The following LAMA2 variants were observed in gnomAD, a reference collection of about 807,000 sequenced individuals.
The protein encoded by LAMA2 is laminin subunit alpha 2.
A neutral mutation model predicts 364.8 loss-of-function variants in LAMA2; 269 were observed. The ratio of observed to expected loss-of-function variants is 0.74; its 90% CI spans 0.67 to 0.82. The LOEUF (loss-of-function observed/expected upper bound fraction) is 0.82. LAMA2 is among the 40% of genes least tolerant of loss of function. The pLI is 0.00. For missense variants in LAMA2, 3,807 were observed against 3,873.2 expected (o/e 0.98, Z 0.45); for synonymous variants, 1,379 against 1,370.6 (o/e 1.01, Z -0.14).
chr6:129,155,333 A>G (rs1779045878), intron 8 of LAMA2, among the ~76,000 whole-genome samples: 1 of 152,178 alleles, frequency 6.6e-6, no homozygotes, highest in Admixed American at 6.5e-5. Flanking sequence ...ATTAGTAATA[A>G]TGTATAAAAT....
chr6:129,047,429 G>A (rs988487954), intron 1 of LAMA2, among the ~76,000 whole-genome samples: 2 of 152,294 alleles, frequency 1.3e-5, no homozygotes, highest in African/African-American at 2.4e-5. Context: ...AAGTGAAAAA[G>A]TAAGTACCAT....
intron 1 of LAMA2, among the ~76,000 whole-genome samples, chr6:128,956,705 G>C (rs1781169887): frequency 6.6e-6 from 1 of 151,932 alleles, no homozygotes; most frequent in Non-Finnish European, 1.5e-5. Flanking sequence ...AGACACTGCA[G>C]TCTGTTTTAA....
At chr6:128,974,976 G>A (rs537435416) in intron 1 of LAMA2, among the ~76,000 whole-genome samples, 105 of 151,192 alleles carry the variant, frequency 6.9e-4, no homozygotes, top group Non-Finnish European at 1.1e-3. Context: ...CTCGGCCTCC[G>A]GAGTAGCTGG....
intron 12 of LAMA2, among the ~76,000 whole-genome samples, chr6:129,226,194 T>A (rs1249184787): frequency 1.3e-5 from 2 of 152,204 alleles, no homozygotes; most frequent in African/African-American, 4.8e-5. Flanking sequence ...TTGGTAGATC[T>A]TCCTCCATCC....
At chr6:129,377,271 G>GA (rs1328865274) in intron 34 of LAMA2, among the ~76,000 whole-genome samples, 1 of 151,974 alleles carries the variant, frequency 6.6e-6, no homozygotes, top group Non-Finnish European at 1.5e-5. Context: ...CCAAAAGGAT[G>GA]AAACTAGTTT....
chr6:129,328,724 A>G (rs1047852862), intron 29 of LAMA2, among the ~76,000 whole-genome samples: 3 of 152,198 alleles, frequency 2.0e-5, no homozygotes, highest in African/African-American at 7.2e-5. Flanking sequence ...AACTTTCTAT[A>G]AAATTTGGAA....
intron 1 of LAMA2, among the ~76,000 whole-genome samples, chr6:129,036,136 T>G (rs1582912448): frequency 1.3e-5 from 2 of 152,212 alleles, no homozygotes; most frequent in African/African-American, 4.8e-5. Flanking sequence ...TTTTTCCATT[T>G]GTCCATGTCA....
At chr6:128,926,195 A>C (rs1266266340) in intron 1 of LAMA2, among the ~76,000 whole-genome samples, 1 of 151,976 alleles carries the variant, frequency 6.6e-6, no homozygotes, top group Non-Finnish European at 1.5e-5. Context: ...TGGCTTTCAA[A>C]GGTGAAATTG....
rs768155936 is a variant in LAMA2 at position 129,505,228 on chromosome 6, G to A, written c.8576G>A (p.Gly2859Glu). 1.2e-6 allele frequency: 2 copies of A among 1,613,862 alleles called. No homozygotes were observed. The highest frequency in any genetic ancestry group is 8.5e-7 in the Non-Finnish European group (1 of 1,179,840). Reference sequence around the variant, plus strand: ...AAGATAATGAGAAGTAAGCAAGAAGGAATTCTTTATGTAGATGGGGCTTCC... The same window carrying A: ...AAGATAATGAGAAGTAAGCAAGAAGAAATTCTTTATGTAGATGGGGCTTCC... ...KIKIMRSKQE[G>E]ILYVDGASNR... is the part of the protein sequence containing the mutation. The change falls in exon 61 of 65, where the codon GGA (glycine) becomes GAA (glutamate). Residue 2859 changes from glycine to glutamate, a missense_variant. Physicochemically the swap from Gly to Glu is moderately conservative, Grantham distance 98. Transcript: ENST00000421865.
At chr6:128,947,890 C>T (rs368239834) in intron 1 of LAMA2, among the ~76,000 whole-genome samples, 19 of 151,768 alleles carry the variant, frequency 1.3e-4, no homozygotes, top group South Asian at 1.0e-3. Context: ...GGAAGGGAGA[C>T]GATAAATAGC....
chr6:129,322,001 TG>T (rs1774995840), intron 28 of LAMA2, among the ~76,000 whole-genome samples: 1 of 152,334 alleles, frequency 6.6e-6, no homozygotes, highest in South Asian at 2.1e-4. Context: ...TTGATTTAAA[TG>T]GAAACGTATG....
At chr6:129,496,707 A>G (rs1170113580) in intron 58 of LAMA2, among the ~76,000 whole-genome samples, 1 of 152,172 alleles carries the variant, frequency 6.6e-6, no homozygotes, top group Non-Finnish European at 1.5e-5. Flanking sequence ...TTTGTAACAA[A>G]TATTTATTAA....
At chr6:129,013,012 G>T (rs1784856233) in intron 1 of LAMA2, among the ~76,000 whole-genome samples, 1 of 152,228 alleles carries the variant, frequency 6.6e-6, no homozygotes, top group African/African-American at 2.4e-5. Flanking sequence ...ATCAGGCTAT[G>T]TTATGAAACT....
chr6:129,187,375 T>A (rs1048204497), intron 10 of LAMA2, among the ~76,000 whole-genome samples: 1 of 151,776 alleles, frequency 6.6e-6, no homozygotes, highest in African/African-American at 2.4e-5. Flanking sequence ...GTGTTTGAAC[T>A]GTGCTACTCT....
intron 40 of LAMA2, among the ~76,000 whole-genome samples, chr6:129,414,447 T>C (rs1316414266): frequency 1.3e-5 from 2 of 152,160 alleles, no homozygotes; most frequent in African/African-American, 4.8e-5. Flanking sequence ...CAAATGTACA[T>C]ATTTTAAAGA....
chr6:129,426,493 C>T (rs933084183), intron 40 of LAMA2, among the ~76,000 whole-genome samples: 2 of 151,148 alleles, frequency 1.3e-5, no homozygotes, highest in African/African-American at 4.9e-5. Flanking sequence ...ATGAATGACA[C>T]TTATGTGATG....
chr6:129,505,305 C>T lies in LAMA2; in HGVS notation c.8653C>T (p.Leu2885=). ...CGACATCCTGGATGTCGTGGGAATG[C>T]TGTATGTTGGTGGGTTACCCATCAA... The part of the protein sequence containing the change: ...KADILDVVGM[L]YVGGLPINYT... The change falls in exon 61 of 65, where the codon CTG becomes TTG. Residue 2885 remains leucine, a synonymous_variant. Transcript: ENST00000421865. 2 of 1,613,850 alleles carry T rather than the reference C, an allele frequency of 1.2e-6. No homozygotes were observed. Among genetic ancestry groups the T allele is most frequent in the Non-Finnish European group, 1.7e-6 (2 of 1,179,752 alleles).
intron 37 of LAMA2, 54 bp from the exon 38 acceptor site, chr6:129,401,170 G>A (rs1014138416): frequency 2.8e-6 from 3 of 1,075,010 alleles, no homozygotes; most frequent in Non-Finnish European, 4.3e-6. Context: ...GGAATACAAG[G>A]GGTAGGATTT....
intron 1 of LAMA2, among the ~76,000 whole-genome samples, chr6:129,015,081 A>T (rs1784990848): frequency 6.6e-6 from 1 of 152,154 alleles, no homozygotes; most frequent in Non-Finnish European, 1.5e-5. Context: ...AATTAAACTG[A>T]ATATATATCA....
Sources: gnomAD v4.1 joint callset for allele counts (sites outside exome capture counted in the v4.1 genomes callset) on GRCh38, gnomAD v4.1.1 for gene constraint, MANE v1.5 for transcripts, NCBI Gene and HGNC (gene_info 2026-07-23, HGNC 2026-07-21) for gene names.